The following LDLRAD4 variants were observed in gnomAD, a reference collection of about 807,000 sequenced individuals.
The protein encoded by LDLRAD4 is low-density lipoprotein receptor class A domain-containing protein 4.
In LDLRAD4, 5 loss-of-function variants were observed where a neutral mutation model predicts 17.0. The ratio of observed to expected loss-of-function variants is 0.29; its 90% CI spans 0.15 to 0.62. The LOEUF (loss-of-function observed/expected upper bound fraction) is 0.62, where lower values mean the gene tolerates loss of function less well. Among genes scored for constraint, LDLRAD4 ranks in the 20% least tolerant of loss-of-function variants. The pLI is 0.84. For synonymous variants in LDLRAD4, 168 were observed against 171.8 expected (o/e 0.98, Z 0.17); for missense variants, 340 against 424.7 (o/e 0.80, Z 1.75).
chr18:13,403,368 A>C (rs1328725363), intron 2 of LDLRAD4, among the ~76,000 whole-genome samples: 1 of 152,354 alleles, frequency 6.6e-6, no homozygotes, highest in South Asian at 2.1e-4. Flanking sequence ...TGAAAAATAT[A>C]TCGGCCTGGT....
chr18:13,499,655 G>T (rs908261383), intron 3 of LDLRAD4, among the ~76,000 whole-genome samples: 7 of 148,104 alleles, frequency 4.7e-5, no homozygotes, highest in Admixed American at 4.1e-4. Flanking sequence ...GGATACTGGA[G>T]AATCCTTCTC....
intron 1 of LDLRAD4, among the ~76,000 whole-genome samples, chr18:13,281,156 G>T (rs1179082664): frequency 6.6e-6 from 1 of 152,194 alleles, no homozygotes; most frequent in African/African-American, 2.4e-5. Flanking sequence ...AGAGGCTAAG[G>T]CAGGAGTATC....
intron 2 of LDLRAD4, among the ~76,000 whole-genome samples, chr18:13,432,481 GTTAAGT>G (rs2090407867): frequency 6.6e-6 from 1 of 152,192 alleles, no homozygotes. Flanking sequence ...GACAGATCCT[GTTAAGT>G]TTTAGAAGCA....
intron 1 of LDLRAD4, among the ~76,000 whole-genome samples, chr18:13,225,011 T>C (rs1386515130): frequency 1.3e-5 from 2 of 151,974 alleles, no homozygotes; most frequent in African/African-American, 4.8e-5. Flanking sequence ...ATTTTATGTA[T>C]TTTTAGTAGA....
At chr18:13,529,426 T>C (rs1002661337) in intron 3 of LDLRAD4, among the ~76,000 whole-genome samples, 14 of 152,050 alleles carry the variant, frequency 9.2e-5, no homozygotes, top group Admixed American at 2.6e-4. Context: ...CATCCACAAG[T>C]AGAAAATGAA....
In LDLRAD4 at chr18:13,316,390, G is replaced by T. The variant is rs115811668; in HGVS notation, c.-383+38202G>T. ...ATTCAAAAATGAAGGCCACCAAAGG[G>T]CATTTTCAGACAAACGGAATCAGAC... On this transcript the variant is annotated intron_variant, in intron 1 of 5. Coordinates refer to ENST00000359446, the Ensembl canonical transcript of LDLRAD4. Among the ~76,000 whole-genome samples the T allele has an allele frequency of 5.3e-3, 808 of 152,266 alleles. 5 individuals are homozygous for T. The highest frequency in any genetic ancestry group is 0.019 in the African/African-American group (780 of 41,536).
chr18:13,620,552 A>C (rs1050863239), intron 3 of LDLRAD4, among the ~76,000 whole-genome samples: 2 of 152,124 alleles, frequency 1.3e-5, no homozygotes, highest in African/African-American at 4.8e-5. Flanking sequence ...ACTGGAAGTC[A>C]CTCTGTGTTG....
intron 1 of LDLRAD4, among the ~76,000 whole-genome samples, chr18:13,339,492 C>T (rs996228495): frequency 6.6e-6 from 1 of 152,192 alleles, no homozygotes; most frequent in Non-Finnish European, 1.5e-5. Context: ...TGAGCCACTG[C>T]ACCCAGCCAT....
intron 1 of LDLRAD4, among the ~76,000 whole-genome samples, chr18:13,232,562 G>A (rs562690965): frequency 1.3e-5 from 2 of 152,124 alleles, no homozygotes; most frequent in Admixed American, 6.5e-5. Context: ...TTGTCCGGGG[G>A]CTGCTGCTGC....
chr18:13,552,763 C>T (rs2094447713), intron 3 of LDLRAD4, among the ~76,000 whole-genome samples: 2 of 152,208 alleles, frequency 1.3e-5, no homozygotes, highest in Admixed American at 1.3e-4. Flanking sequence ...GTCCGTCTCC[C>T]TCTTCATGGG....
chr18:13,593,640 A>G (rs1448938088), intron 3 of LDLRAD4, among the ~76,000 whole-genome samples: 1 of 152,170 alleles, frequency 6.6e-6, no homozygotes, highest in African/African-American at 2.4e-5. Context: ...CTAGCTAGCT[A>G]TGAGATAGGG....
At chr18:13,625,813 C>T (rs1224031620) in intron 4 of LDLRAD4, among the ~76,000 whole-genome samples, 1 of 125,218 alleles carries the variant, frequency 8.0e-6, no homozygotes, top group Non-Finnish European at 1.7e-5. Flanking sequence ...CGGCGCCCTC[C>T]TCCCCCCGCC....
chr18:13,298,341 C>T lies in LDLRAD4; in HGVS notation c.-383+20153C>T, dbSNP rs566964102. Among the ~76,000 whole-genome samples the T allele has an allele frequency of 3.0e-4, 32 of 106,274 alleles. No homozygotes were observed. The South Asian group carries it at 8.5e-3, about 28-fold the overall frequency. 69.7% of individuals were successfully genotyped at this position (106,274 alleles called of 152,430 possible). ...TTGCTGCTCCGGGCACGGTGATGGA[C>T]CTGCTCTAGGCACAGTGGTGGAGCT... On this transcript the variant is annotated intron_variant, in intron 1 of 5. Coordinates refer to ENST00000359446, the Ensembl canonical transcript of LDLRAD4.
intron 1 of LDLRAD4, among the ~76,000 whole-genome samples, chr18:13,229,336 G>T (rs1203603957): frequency 6.6e-6 from 1 of 152,222 alleles, no homozygotes; most frequent in African/African-American, 2.4e-5. Flanking sequence ...CTAGGTCTCA[G>T]TTCACCTCTG....
chr18:13,450,238 CT>C (rs1343947732), intron 3 of LDLRAD4, among the ~76,000 whole-genome samples: 22 of 151,960 alleles, frequency 1.4e-4, no homozygotes, highest in African/African-American at 5.3e-4. Flanking sequence ...TCCTCTCACC[CT>C]TCTGGTTCAG....
At chr18:13,247,246 TG>T (rs1282528724) in intron 1 of LDLRAD4, among the ~76,000 whole-genome samples, 1 of 152,194 alleles carries the variant, frequency 6.6e-6, no homozygotes, top group Non-Finnish European at 1.5e-5. Context: ...TTGAAATAAT[TG>T]TAGATTTTCA....
chr18:13,421,513 G>A (rs1041614807), intron 2 of LDLRAD4, among the ~76,000 whole-genome samples: 1 of 152,010 alleles, frequency 6.6e-6, no homozygotes, highest in South Asian at 2.1e-4. Flanking sequence ...GAGCCCTGGC[G>A]GCTGCTGCAT....
chr18:13,499,235 C>T (rs1319577231), intron 3 of LDLRAD4, among the ~76,000 whole-genome samples: 1 of 151,082 alleles, frequency 6.6e-6, no homozygotes, highest in African/African-American at 2.4e-5. Flanking sequence ...TCTCGCCACA[C>T]ACTTCCCACC....
At chr18:13,369,381 G>T (rs1483847007) in intron 1 of LDLRAD4, among the ~76,000 whole-genome samples, 2 of 152,218 alleles carry the variant, frequency 1.3e-5, no homozygotes, top group African/African-American at 4.8e-5. Flanking sequence ...GGGCATGCGT[G>T]TGGGGAGCCT....
Sources: allele counts gnomAD v4.1 joint callset (sites outside exome capture counted in the v4.1 genomes callset), GRCh38; gene constraint gnomAD v4.1.1; transcripts MANE v1.5; gene names NCBI Gene and HGNC (gene_info 2026-07-23, HGNC 2026-07-21).